Variants in UPF2 observed in about 807,000 individuals in gnomAD.
UPF2 encodes the protein UPF2 regulator of nonsense mediated mRNA decay.
A neutral mutation model predicts 141.4 loss-of-function variants in UPF2; 17 were observed. The ratio of observed to expected loss-of-function variants is 0.12; its 90% CI spans 0.08 to 0.18. The LOEUF is 0.18. Ranked by LOEUF, UPF2 falls within the 10% of genes least tolerant of loss-of-function variation. The pLI is 1.00. For missense variants in UPF2, 1,152 were observed against 1,515.9 expected, an observed-to-expected ratio of 0.76 and a Z score of 3.99; for synonymous variants, 540 against 498.0, an observed-to-expected ratio of 1.08 and a Z score of -1.12.
intron 21 of UPF2, among the ~76,000 whole-genome samples, chr10:11,924,658 T>C (rs2131144174): frequency 6.6e-6 from 1 of 152,132 alleles, no homozygotes; most frequent in East Asian, 1.9e-4. Context: ...AGTGCAGTGG[T>C]GTGATCTGGC....
rs956836379 is a variant in UPF2, at chr10:12,020,999, A to T, written c.1146-6815T>A. Among the ~76,000 whole-genome samples, 8 of 152,254 alleles carry T rather than the reference A, an allele frequency of 5.3e-5. No homozygotes were observed. The East Asian group carries it at 1.5e-3, about 29-fold the overall frequency. ...TCTTTTGGGTCCCTCTCTCGTTTGG[A>T]TTTGACTTGGTAAATATTGAGCGGC... is the stretch of plus-strand genomic sequence containing the variant. On this transcript the variant is annotated intron_variant, in intron 3 of 21. Coordinates refer to ENST00000357604, the MANE Select transcript of UPF2 (RefSeq NM_015542.4).
At chr10:12,022,189 A>AT (rs774538295) in intron 3 of UPF2, among the ~76,000 whole-genome samples, 1 of 150,936 alleles carries the variant, frequency 6.6e-6, no homozygotes, top group Non-Finnish European at 1.5e-5. Context: ...AGGAGGGCAG[A>AT]TTGTGTGAGC....
intron 1 of UPF2, among the ~76,000 whole-genome samples, chr10:12,040,992 T>C (rs1388766200): frequency 6.6e-6 from 1 of 152,204 alleles, no homozygotes; most frequent in African/African-American, 2.4e-5. Context: ...CCCAAGATTA[T>C]ATATACAGCT....
intron 13 of UPF2, 107 bp from the exon 14 acceptor site, chr10:11,955,614 T>A: frequency 2.7e-6 from 3 of 1,106,970 alleles, no homozygotes; most frequent in Non-Finnish European, 3.8e-6. Context: ...GAAAGAACAC[T>A]GAATAGAGAA....
At chr10:11,926,273 C>T (rs1414214721) in intron 21 of UPF2, among the ~76,000 whole-genome samples, 1 of 152,136 alleles carries the variant, frequency 6.6e-6, no homozygotes, top group Non-Finnish European at 1.5e-5. Context: ...CACTGGAGAC[C>T]CTGGGGAAGA....
At chr10:11,952,619 T>A (rs968377987) in intron 14 of UPF2, among the ~76,000 whole-genome samples, 1 of 151,884 alleles carries the variant, frequency 6.6e-6, no homozygotes, top group East Asian at 1.9e-4. Context: ...GGACTACAGG[T>A]GCATGCCACC....
chr10:11,997,222 G>A (rs1833878990), intron 8 of UPF2, among the ~76,000 whole-genome samples: 1 of 152,032 alleles, frequency 6.6e-6, no homozygotes, highest in Admixed American at 6.6e-5. Context: ...GAGTCTCTAG[G>A]CAGGCTATCA....
intron 1 of UPF2, among the ~76,000 whole-genome samples, chr10:12,041,923 T>G (rs1834741847): frequency 6.6e-6 from 1 of 152,158 alleles, no homozygotes; most frequent in Admixed American, 6.5e-5. Flanking sequence ...GAAGGTCCGA[T>G]CACCCCAGCG....
chr10:11,940,350 A>G lies in UPF2; in HGVS notation c.3378+2315T>C, dbSNP rs1832921476. On this transcript the variant is annotated intron_variant, in intron 18 of 21. Transcript: ENST00000357604. The surrounding 1 kb of genome is among the most constrained non-coding windows in gnomAD (Gnocchi z 4.2). ...AAATGTTAAGGTTCTTCAGGGCTCA[A>G]TCCTGACCCTGCTTCTCTTCTCTGT... Among the ~76,000 whole-genome samples the G allele has an allele frequency of 6.6e-6, 1 of 152,174 alleles. No individual in the cohort carries two copies. The highest frequency in any genetic ancestry group is 1.5e-5 in the Non-Finnish European group (1 of 68,036).
rs1015485062 is a variant in UPF2 at position 11,969,192 on chromosome 10, G to C, written c.1954-1738C>G. On this transcript the variant is annotated intron_variant, in intron 9 of 21. Coordinates refer to ENST00000357604, the MANE Select transcript of UPF2 (RefSeq NM_015542.4). ...CTTTTTTTTTTCTTTTTTTGAGACAGAGTCTCATACTGTTGCTCAGGCTGG... is the reference window on the plus strand; with the variant it reads ...CTTTTTTTTTTCTTTTTTTGAGACACAGTCTCATACTGTTGCTCAGGCTGG... 2.7e-5 allele frequency among the ~76,000 whole-genome samples: 4 copies of C among 150,144 alleles called. No individual in the cohort carries two copies. The South Asian group carries it at 6.3e-4, about 24-fold the overall frequency.
At chr10:12,029,768 C>A (rs1179122579) in intron 2 of UPF2, among the ~76,000 whole-genome samples, 1 of 152,024 alleles carries the variant, frequency 6.6e-6, no homozygotes, top group Non-Finnish European at 1.5e-5. Flanking sequence ...TCAAGGCCAG[C>A]GTGGCCAATA....
chr10:11,998,785 C>T lies in UPF2; in HGVS notation c.1759-1028G>A, dbSNP rs576323000. 7.2e-4 allele frequency among the ~76,000 whole-genome samples: 110 copies of T among 152,108 alleles called. No homozygotes were observed. The highest frequency in any genetic ancestry group is 1.9e-3 in the South Asian group (9 of 4,808). On this transcript the variant is annotated intron_variant, in intron 7 of 21. Transcript: ENST00000357604. This position sits in a 1 kb window ranked among gnomAD's most constrained non-coding sequence, Gnocchi z 4.5. ...AGGAGAATGGCGTGAACCCGGGAGG[C>T]GGAGCTTGCAGTGAGCCGAGAACAT...
At chr10:12,011,064 C>T (rs1196578168) in intron 4 of UPF2, among the ~76,000 whole-genome samples, 1 of 152,182 alleles carries the variant, frequency 6.6e-6, no homozygotes, top group Non-Finnish European at 1.5e-5. Flanking sequence ...TAACTGTAAC[C>T]TTGAACATCT....
chr10:12,032,909 T>C (rs544623640), intron 2 of UPF2, among the ~76,000 whole-genome samples: 10 of 149,982 alleles, frequency 6.7e-5, no homozygotes, highest in Non-Finnish European at 1.0e-4. Context: ...GAGGAATCAC[T>C]TGAGCACAGG....
intron 1 of UPF2, among the ~76,000 whole-genome samples, chr10:12,041,076 A>C (rs1211274567): frequency 6.6e-6 from 1 of 152,204 alleles, no homozygotes; most frequent in African/African-American, 2.4e-5. Flanking sequence ...TAAAATATAC[A>C]AACACCGTGA....
intron 12 of UPF2, among the ~76,000 whole-genome samples, chr10:11,958,118 G>C (rs1194075348): frequency 6.6e-6 from 1 of 152,136 alleles, no homozygotes; most frequent in East Asian, 1.9e-4. Flanking sequence ...GGGAGGCTGA[G>C]GCAGGAGGAG....
rs756478917 is a variant in UPF2 at position 11,920,995 on chromosome 10, G to GT, written c.*302dup. The stretch of plus-strand genomic sequence containing the variant: ...TCATCTCCTTCACGCTCTCCTTGGT[G>GT]TAACTGCTCAGTAGTCAAGTGAACC... On this transcript the variant is annotated 3_prime_UTR_variant, in exon 22 of 22. Transcript: ENST00000357604. 6.9e-5 allele frequency: 44 copies of GT among 633,930 alleles called. 2 individuals are homozygous for GT. The highest frequency in any genetic ancestry group is 6.1e-4 in the South Asian group (44 of 72,376). The allele number at this position is 633,930 out of a possible 1,614,324, so 39.3% of individuals were successfully genotyped here.
chr10:12,033,017 G>C (rs950071371), intron 2 of UPF2, among the ~76,000 whole-genome samples: 7 of 152,028 alleles, frequency 4.6e-5, no homozygotes, highest in African/African-American at 1.7e-4. Context: ...CCCCAAAAAT[G>C]GGAAGAAAGT....
chr10:11,963,515 G>A (rs1341157977), intron 11 of UPF2, among the ~76,000 whole-genome samples: 1 of 152,136 alleles, frequency 6.6e-6, no homozygotes, highest in Non-Finnish European at 1.5e-5. Context: ...TCTAAAATGT[G>A]TTTGTAGAGA....
Sources: gnomAD v4.1 joint callset for allele counts (sites outside exome capture counted in the v4.1 genomes callset) on GRCh38, gnomAD v4.1.1 for gene constraint, Gnocchi (gnomAD v3.1) non-coding constraint, MANE v1.5 for transcripts, NCBI Gene and HGNC (gene_info 2026-07-23, HGNC 2026-07-21) for gene names.